Variants in DNAH12 observed in about 807,000 individuals in gnomAD.
The protein encoded by DNAH12 is axonemal beta dynein heavy chain 12.
In DNAH12, 285 loss-of-function variants were observed where a neutral mutation model predicts 371.5. That is an observed-to-expected ratio of 0.77 (90% CI 0.70 to 0.85). DNAH12 has a LOEUF of 0.85. Among genes scored for constraint, DNAH12 ranks in the 40% least tolerant of loss-of-function variants. DNAH12 has a pLI of 0.00. For missense variants in DNAH12, 3,611 were observed against 3,689.4 expected, an observed-to-expected ratio of 0.98 and a Z score of 0.55; for synonymous variants, 1,200 against 1,213.0, an observed-to-expected ratio of 0.99 and a Z score of 0.22.
chr3:57,304,130 A>G (rs1485601332), intron 69 of DNAH12, among the ~76,000 whole-genome samples: 1 of 149,684 alleles, frequency 6.7e-6, no homozygotes, highest in African/African-American at 2.5e-5. Flanking sequence ...AATCTTATAA[A>G]ACGGCCCCAC....
At chr3:57,388,902 C>T (rs1301262980) in intron 45 of DNAH12, among the ~76,000 whole-genome samples, 143 of 52,704 alleles carry the variant, frequency 2.7e-3, no homozygotes, top group African/African-American at 0.01. Flanking sequence ...CAGGGCCTGT[C>T]GTGGGGTTGG....
At chr3:57,345,049 G>A (rs2062505647) in intron 60 of DNAH12, among the ~76,000 whole-genome samples, 1 of 151,874 alleles carries the variant, frequency 6.6e-6, no homozygotes, top group Admixed American at 6.6e-5. Context: ...GTACATATAT[G>A]TCATATGCAT....
chr3:57,432,796 T>G (rs185226341), intron 32 of DNAH12, among the ~76,000 whole-genome samples: 50 of 152,318 alleles, frequency 3.3e-4, no homozygotes, highest in African/African-American at 1.2e-3. Flanking sequence ...TTGTAGGGTA[T>G]AGGAAATTTC....
chr3:57,482,547 T>C (rs1319939494), intron 13 of DNAH12, among the ~76,000 whole-genome samples: 6 of 152,222 alleles, frequency 3.9e-5, no homozygotes, highest in Admixed American at 3.3e-4. Context: ...AGAAATACCA[T>C]TTGACCCAGC....
chr3:57,548,738 G>A (rs1382425079), upstream of DNAH12: 1 of 152,026 alleles, frequency 6.6e-6, no homozygotes, highest in South Asian at 2.1e-4. Flanking sequence ...AACAAACGAG[G>A]AAAGTTTTAA....
chr3:57,473,355 C>T lies in DNAH12; in HGVS notation c.1651-684G>A, dbSNP rs150456807. On this transcript the variant is annotated intron_variant, in intron 13 of 73. Coordinates refer to ENST00000495027, the MANE Select transcript of DNAH12 (RefSeq NM_001366028.2). ...TACAAAAATTAGCTGGGCTTGGTGA[C>T]GCACGTCTGTAGTCCCAGCTACTTG... Among the ~76,000 whole-genome samples the T allele has an allele frequency of 2.4e-3, 364 of 152,124 alleles. 1 individual carries two copies. The highest frequency in any genetic ancestry group is 8.3e-3 in the African/African-American group (345 of 41,520).
chr3:57,441,587 C>A (rs894560788), intron 29 of DNAH12, among the ~76,000 whole-genome samples: 2 of 152,072 alleles, frequency 1.3e-5, no homozygotes, highest in African/African-American at 4.8e-5. Context: ...GAGCCCAGAG[C>A]TTGATACCAA....
Position 57,293,712 on chromosome 3 carries a change from T to C in DNAH12, c.*69A>G, listed in dbSNP as rs1465084292. On this transcript the variant is annotated 3_prime_UTR_variant, in exon 74 of 74. Transcript: ENST00000495027. ...AACACCAAAACACTTGGTTTTATAA[T>C]GTATATATTTTAAGTAGGACAGGTT... The C allele has an allele frequency of 7.0e-7, 1 of 1,434,748 alleles. No individual in the cohort carries two copies. Among genetic ancestry groups the C allele is most frequent in the East Asian group, 2.5e-5 (1 of 40,332 alleles). 88.9% of individuals were successfully genotyped at this position (1,434,748 alleles called of 1,614,324 possible).
intron 43 of DNAH12, among the ~76,000 whole-genome samples, chr3:57,399,807 GAATAGTC>G (rs2063819534): frequency 6.6e-6 from 1 of 152,152 alleles, no homozygotes; most frequent in South Asian, 2.1e-4. Context: ...TCCACTTAAT[GAATAGTC>G]AATATATGTT....
At chr3:57,398,125 CAT>C (rs1443066431) in intron 43 of DNAH12, among the ~76,000 whole-genome samples, 4 of 152,090 alleles carry the variant, frequency 2.6e-5, no homozygotes, top group African/African-American at 9.7e-5. Flanking sequence ...GGACCCAAAA[CAT>C]AAAACTGAAC....
intron 1 of DNAH12, among the ~76,000 whole-genome samples, 187 bp downstream of exon 1, chr3:57,544,010 G>A (rs1390343203): frequency 6.6e-6 from 1 of 152,174 alleles, no homozygotes; most frequent in Non-Finnish European, 1.5e-5. Context: ...TCCCGCTACC[G>A]CACTTCAGCC....
chr3:57,405,737 G>C lies in DNAH12; in HGVS notation c.6492C>G (p.Phe2164Leu). ...CCTTTATAACAGTTTTAGTTAACTG[G>C]AACAGCCATCTTCGATCATCATCAT... The part of the protein sequence containing the change: ...LINDDDRRWL[F>L]QLTKTVIKDH... Residue 2164 changes from phenylalanine (F) to leucine (L), a missense_variant, in exon 41 of 74, where the codon TTC (phenylalanine) becomes TTG (leucine). Phe to Leu is a conservative substitution (Grantham distance 22, BLOSUM62 0). Transcript: ENST00000495027. 1.3e-6 allele frequency: 2 copies of C among 1,551,550 alleles called. No homozygotes were observed. The highest frequency in any genetic ancestry group is 1.4e-5 in the African/African-American group (1 of 73,118).
At chr3:57,508,659 G>A in intron 6 of DNAH12, 119 bp from the exon 7 acceptor site, 5 of 1,180,978 alleles carry the variant, frequency 4.2e-6, no homozygotes, top group Non-Finnish European at 5.8e-6. Context: ...TGAGAAGAGG[G>A]AGCTGTGGTC....
In DNAH12 at chr3:57,322,387, C is replaced by T. The variant is rs912712419; in HGVS notation, c.10480G>A (p.Val3494Ile). 3.4e-5 allele frequency: 53 copies of T among 1,551,728 alleles called. No homozygotes were observed. The Admixed American group carries it at 1.0e-3, about 30-fold the overall frequency. ...NLLQSYLTDP[V>I]SDPEFFKGCR... ...CCCTTGAAAAACTCAGGATCAGAAA[C>T]TGGATCAGTGAGATATGATTGAAGG... The change falls in exon 65 of 74, where the codon GTT becomes ATT. Residue 3494 changes from valine to isoleucine, a missense_variant. Coordinates refer to ENST00000495027, the MANE Select transcript of DNAH12 (RefSeq NM_001366028.2).
At chr3:57,393,662 A>AAG (rs1339975805) in intron 44 of DNAH12, among the ~76,000 whole-genome samples, 10,291 of 144,606 alleles carry the variant, frequency 0.071, 1,445 homozygotes, top group African/African-American at 0.27. Flanking sequence ...GAAAGAAAGA[A>AAG]AAAGAAAAAG....
intron 13 of DNAH12, among the ~76,000 whole-genome samples, chr3:57,481,812 C>A (rs201405585): frequency 0.65 from 94,830 of 145,952 alleles, 30,499 homozygotes; most frequent in South Asian, 0.74. Flanking sequence ...GAAAAACAAG[C>A]AATGGGGAAA....
chr3:57,430,925 C>A (rs2153365648), intron 32 of DNAH12, among the ~76,000 whole-genome samples: 1 of 152,274 alleles, frequency 6.6e-6, no homozygotes, highest in Non-Finnish European at 1.5e-5. Context: ...TTAATTTTAG[C>A]TAACTAAAAC....
chr3:57,368,383 ACTC>A (rs1319102478), intron 55 of DNAH12, 123 bp from the exon 56 acceptor site: 2 of 152,074 alleles, frequency 1.3e-5, no homozygotes, highest in Non-Finnish European at 2.9e-5. Context: ...TATCAGCATT[ACTC>A]TTCACAAAAG....
At chr3:57,505,006 G>C (rs141235987) in intron 8 of DNAH12, among the ~76,000 whole-genome samples, 2 of 152,024 alleles carry the variant, frequency 1.3e-5, no homozygotes, top group African/African-American at 4.8e-5. Flanking sequence ...TCCCACCTCA[G>C]CCTCCTGAGT....
Sources: allele counts gnomAD v4.1 joint callset (sites outside exome capture counted in the v4.1 genomes callset), GRCh38; gene constraint gnomAD v4.1.1; transcripts MANE v1.5; gene names NCBI Gene and HGNC (gene_info 2026-07-23, HGNC 2026-07-21).